SPOCK3: variants seen among roughly 807,000 people sequenced by gnomAD.
SPOCK3 encodes SPARC (osteonectin), cwcv and kazal like domains proteoglycan 3, also known as testican-3.
SPOCK3 carries 30 observed loss-of-function variants against 56.6 expected under a neutral mutation model. The observed-to-expected ratio is 0.53, with a 90% CI of 0.40 to 0.72. The LOEUF is 0.72. Among genes scored for constraint, SPOCK3 ranks in the 30% least tolerant of loss-of-function variants. SPOCK3 has a pLI of 0.00. For missense variants in SPOCK3, 527 were observed against 530.0 expected (o/e 0.99, Z 0.06); for synonymous variants, 196 against 183.3 (o/e 1.07, Z -0.56).
chr4:167,145,417 C>G (rs1763864745), intron 2 of SPOCK3, among the ~76,000 whole-genome samples: 1 of 151,944 alleles, frequency 6.6e-6, no homozygotes, highest in Non-Finnish European at 1.5e-5. Flanking sequence ...TTTTTTAAGC[C>G]ATGGGGCTGA....
chr4:167,146,533 T>C (rs1373218313), intron 2 of SPOCK3, among the ~76,000 whole-genome samples: 1 of 152,110 alleles, frequency 6.6e-6, no homozygotes, highest in East Asian at 1.9e-4. Context: ...ACATCGCACT[T>C]ATTCTAAAAT....
intron 2 of SPOCK3, among the ~76,000 whole-genome samples, chr4:167,186,753 G>A (rs894349235): frequency 2.6e-5 from 4 of 151,180 alleles, no homozygotes; most frequent in Non-Finnish European, 5.9e-5. Context: ...GAGGCAGGTG[G>A]ATAATCTGAG....
At chr4:166,811,532 T>C (rs985754182) in intron 6 of SPOCK3, among the ~76,000 whole-genome samples, 2 of 151,820 alleles carry the variant, frequency 1.3e-5, no homozygotes, top group Admixed American at 6.6e-5. Context: ...ATCTTTGATA[T>C]TGATTTCTAG....
At chr4:167,124,856 T>C (rs1762136120) in intron 2 of SPOCK3, among the ~76,000 whole-genome samples, 1 of 152,202 alleles carries the variant, frequency 6.6e-6, no homozygotes, top group Non-Finnish European at 1.5e-5. Context: ...TCTCCTTCAC[T>C]TACCTCCAAT....
intron 6 of SPOCK3, among the ~76,000 whole-genome samples, chr4:166,807,354 T>C (rs1743286364): frequency 6.6e-6 from 1 of 151,080 alleles, no homozygotes; most frequent in Admixed American, 6.6e-5. Flanking sequence ...CAAGGTACGA[T>C]GGATCATGTT....
intron 3 of SPOCK3, among the ~76,000 whole-genome samples, chr4:167,044,043 T>C (rs919262599): frequency 6.6e-6 from 1 of 152,036 alleles, no homozygotes; most frequent in Non-Finnish European, 1.5e-5. Flanking sequence ...AAGGTTGATT[T>C]GAACTCACCA....
chr4:167,176,141 T>G, intron 2 of SPOCK3, among the ~76,000 whole-genome samples: 1 of 152,148 alleles, frequency 6.6e-6, no homozygotes, highest in East Asian at 1.9e-4. Context: ...TCTCTTTATC[T>G]GACTCTGACC....
At chr4:166,815,894 T>C (rs1371577601) in intron 6 of SPOCK3, among the ~76,000 whole-genome samples, 1 of 152,110 alleles carries the variant, frequency 6.6e-6, no homozygotes, top group Non-Finnish European at 1.5e-5. Flanking sequence ...ATTATGTACA[T>C]AGTTAACTCA....
At chr4:166,753,496 T>G (rs907667423) in intron 8 of SPOCK3, among the ~76,000 whole-genome samples, 1 of 152,020 alleles carries the variant, frequency 6.6e-6, no homozygotes, top group African/African-American at 2.4e-5. Flanking sequence ...CAACTAAAGC[T>G]TCTGTTGACT....
chr4:166,766,324 T>G (rs1738045270), intron 7 of SPOCK3, among the ~76,000 whole-genome samples: 1 of 152,140 alleles, frequency 6.6e-6, no homozygotes, highest in African/African-American at 2.4e-5. Context: ...GGCTGTTGGT[T>G]TGTCATAAAT....
intron 7 of SPOCK3, among the ~76,000 whole-genome samples, chr4:166,785,274 G>C (rs1472098721): frequency 6.6e-6 from 1 of 151,930 alleles, no homozygotes; most frequent in Non-Finnish European, 1.5e-5. Context: ...CAAGAAGCCT[G>C]ATTTTATAAA....
At chr4:167,120,859 C>A (rs1181696518) in intron 2 of SPOCK3, among the ~76,000 whole-genome samples, 1 of 151,934 alleles carries the variant, frequency 6.6e-6, no homozygotes, top group East Asian at 1.9e-4. Flanking sequence ...GATTAAAGAT[C>A]TATTCTTCCC....
intron 4 of SPOCK3, among the ~76,000 whole-genome samples, chr4:166,922,783 A>T (rs1738643629): frequency 6.6e-6 from 1 of 152,186 alleles, no homozygotes; most frequent in South Asian, 2.1e-4. Context: ...CATTTTAATC[A>T]CAGTATGATA....
intron 6 of SPOCK3, among the ~76,000 whole-genome samples, chr4:166,825,624 A>C (rs1387492515): frequency 6.6e-6 from 1 of 152,096 alleles, no homozygotes; most frequent in Non-Finnish European, 1.5e-5. Context: ...TTGCAAAAAC[A>C]TGGAACCAGT....
chr4:166,925,433 G>A (rs761696911), intron 4 of SPOCK3, among the ~76,000 whole-genome samples: 7 of 152,018 alleles, frequency 4.6e-5, no homozygotes, highest in Non-Finnish European at 1.0e-4. Flanking sequence ...GCCTGAACCT[G>A]AGAATACGCT....
chr4:166,940,649 A>C (rs1304830731), intron 4 of SPOCK3, among the ~76,000 whole-genome samples: 1 of 151,282 alleles, frequency 6.6e-6, no homozygotes, highest in Non-Finnish European at 1.5e-5. Flanking sequence ...TGCTAATGAG[A>C]TATGTGAAAT....
At chr4:167,083,310 C>T (rs1043578651) in intron 2 of SPOCK3, 25 of 764,574 alleles carry the variant, frequency 3.3e-5, no homozygotes, top group African/African-American at 1.9e-4. Context: ...TCATCTGCTC[C>T]TACTGAGATG....
intron 4 of SPOCK3, among the ~76,000 whole-genome samples, chr4:166,985,674 G>T (rs1009011139): frequency 1.6e-4 from 25 of 152,022 alleles, no homozygotes; most frequent in African/African-American, 6.0e-4. Context: ...GCACTCAGAT[G>T]AACACTAGTA....
At chr4:167,174,112 T>C (rs1580516778) in intron 2 of SPOCK3, among the ~76,000 whole-genome samples, 1 of 152,110 alleles carries the variant, frequency 6.6e-6, no homozygotes, top group Admixed American at 6.6e-5. Flanking sequence ...CTTACTTATT[T>C]ATGCAAGAAC....
Sources: allele counts gnomAD v4.1 joint callset (sites outside exome capture counted in the v4.1 genomes callset), GRCh38; gene constraint gnomAD v4.1.1; transcripts MANE v1.5; gene names NCBI Gene and HGNC (gene_info 2026-07-23, HGNC 2026-07-21).